Variants in DPYSL2 observed in about 807,000 individuals in gnomAD.
DPYSL2 encodes dihydropyrimidinase-related protein 2.
DPYSL2 carries 13 observed loss-of-function variants against 69.9 expected under a neutral mutation model. That is an observed-to-expected ratio of 0.19 (90% CI 0.12 to 0.30). The LOEUF (loss-of-function observed/expected upper bound fraction) is 0.30, where lower values mean the gene tolerates loss of function less well. Among genes scored for constraint, DPYSL2 ranks in the 10% least tolerant of loss-of-function variants. The pLI is 1.00. For missense variants in DPYSL2, 587 were observed against 918.9 expected (o/e 0.64, Z 4.67); for synonymous variants, 326 against 359.1 (o/e 0.91, Z 1.04).
Position 26,641,683 on chromosome 8 carries a change from A to G in DPYSL2, c.1127-1756A>G, listed in dbSNP as rs1803051947. Among the ~76,000 whole-genome samples, 1 of 152,172 alleles carries G rather than the reference A, an allele frequency of 6.6e-6. No individual in the cohort carries two copies. Among genetic ancestry groups the G allele is most frequent in the Non-Finnish European group, 1.5e-5 (1 of 68,034 alleles). Reference sequence around the variant, plus strand: ...CAAGGGGACCCTCCTAGGCCTTCCGAGCACCTAGCACTGGCCCTTTTCTTC... The same window carrying G: ...CAAGGGGACCCTCCTAGGCCTTCCGGGCACCTAGCACTGGCCCTTTTCTTC... On this transcript the variant is annotated intron_variant, in intron 8 of 13. Coordinates refer to ENST00000521913, the MANE Select transcript of DPYSL2 (RefSeq NM_001197293.3). The surrounding 1 kb of genome is among the most constrained non-coding windows in gnomAD (Gnocchi z 4.1).
At chr8:26,616,878 T>G (rs371255) in intron 3 of DPYSL2, among the ~76,000 whole-genome samples, 2 of 151,828 alleles carry the variant, frequency 1.3e-5, no homozygotes, top group East Asian at 1.9e-4. Flanking sequence ...CCTCCTCCCT[T>G]CTATTCCACG....
chr8:26,622,090 TTTCC>T (rs59707085), intron 3 of DPYSL2, among the ~76,000 whole-genome samples: 1,028 of 64,274 alleles, frequency 0.016, 25 homozygotes, highest in South Asian at 0.035. Flanking sequence ...TCTTTCTTTC[TTTCC>T]TTCCTTCCTT....
rs1030389888 is a variant in DPYSL2 at position 26,593,208 on chromosome 8, A to C, written c.628+9225A>C. Among the ~76,000 whole-genome samples, 2 of 152,064 alleles carry C rather than the reference A, an allele frequency of 1.3e-5. No individual in the cohort carries two copies. The highest frequency in any genetic ancestry group is 4.8e-5 in the African/African-American group (2 of 41,388). On this transcript the variant is annotated intron_variant, in intron 3 of 13. Coordinates refer to ENST00000521913, the MANE Select transcript of DPYSL2 (RefSeq NM_001197293.3). The surrounding 1 kb of genome is among the most constrained non-coding windows in gnomAD (Gnocchi z 5.7). ...CGGTGGCTGAGGCTGCTGTCCAGTT[A>C]AGAGAATTTTGCAATGAACTAGGGC...
intron 8 of DPYSL2, among the ~76,000 whole-genome samples, chr8:26,636,768 T>G (rs1489629453): frequency 6.6e-6 from 1 of 151,816 alleles, no homozygotes; most frequent in African/African-American, 2.4e-5. Flanking sequence ...TGAGATGGAG[T>G]CTCACTCTGT....
At chr8:26,536,049 G>A (rs1432185813) in intron 1 of DPYSL2, among the ~76,000 whole-genome samples, 1 of 151,284 alleles carries the variant, frequency 6.6e-6, no homozygotes, top group African/African-American at 2.4e-5. Context: ...AGCCTTCCAA[G>A]TGGCTGGCAC....
At chr8:26,544,237 A>G (rs529459005) in intron 1 of DPYSL2, among the ~76,000 whole-genome samples, 5 of 152,190 alleles carry the variant, frequency 3.3e-5, no homozygotes, top group Non-Finnish European at 7.3e-5. Context: ...AAGACAATGC[A>G]TGGACATAAG....
intron 1 of DPYSL2, among the ~76,000 whole-genome samples, chr8:26,532,064 A>C (rs1800517937): frequency 6.6e-6 from 1 of 152,026 alleles, no homozygotes; most frequent in Middle Eastern, 3.2e-3. Flanking sequence ...GTTTGTGTAG[A>C]GAGAGGAAGG....
intron 1 of DPYSL2, among the ~76,000 whole-genome samples, chr8:26,581,572 C>T (rs541771926): frequency 6.6e-6 from 1 of 152,134 alleles, no homozygotes; most frequent in East Asian, 1.9e-4. Flanking sequence ...TGGGGTTTCA[C>T]CATGTTGGCC....
intron 1 of DPYSL2, chr8:26,578,052 G>A (rs1040673698): frequency 6.9e-7 from 1 of 1,451,302 alleles, no homozygotes; most frequent in African/African-American, 1.4e-5. Flanking sequence ...TGTGTTGGAG[G>A]AGAGGAAGAA....
intron 3 of DPYSL2, among the ~76,000 whole-genome samples, chr8:26,611,113 A>C (rs1234478036): frequency 6.6e-6 from 1 of 152,238 alleles, no homozygotes; most frequent in Non-Finnish European, 1.5e-5. Context: ...CCAGGGTCCT[A>C]GAACTAGTCA....
chr8:26,609,143 A>G lies in DPYSL2; in HGVS notation c.629-15000A>G, dbSNP rs754731297. Among the ~76,000 whole-genome samples the G allele has an allele frequency of 1.3e-5, 2 of 152,142 alleles. No homozygotes were observed. Among genetic ancestry groups the G allele is most frequent in the Non-Finnish European group, 2.9e-5 (2 of 68,034 alleles). ...CGAGGTGCTCTTGTCTTTATTATGT[A>G]TTGTCTGCCCATAAATGATGTCTTG... On this transcript the variant is annotated intron_variant, in intron 3 of 13. Coordinates refer to ENST00000521913, the MANE Select transcript of DPYSL2 (RefSeq NM_001197293.3). This position sits in a 1 kb window ranked among gnomAD's most constrained non-coding sequence, Gnocchi z 6.5.
intron 1 of DPYSL2, among the ~76,000 whole-genome samples, chr8:26,568,161 TG>T (rs1425387312): frequency 1.3e-5 from 2 of 152,342 alleles, no homozygotes; most frequent in Middle Eastern, 3.4e-3. Context: ...GGAAGAATTC[TG>T]TCTGGTTCCT....
At chr8:26,530,113 C>CAAAAAAA (rs34448431) in intron 1 of DPYSL2, among the ~76,000 whole-genome samples, 1 of 72,038 alleles carries the variant, frequency 1.4e-5, no homozygotes, top group African/African-American at 5.9e-5. Context: ...ACTCCGTCTC[C>CAAAAAAA]AAAAAAAAAA....
In DPYSL2 at chr8:26,641,776, G is replaced by A. The variant is rs980137659; in HGVS notation, c.1127-1663G>A. 4.6e-5 allele frequency among the ~76,000 whole-genome samples: 7 copies of A among 152,158 alleles called. No homozygotes were observed. The highest frequency in any genetic ancestry group is 1.4e-4 in the African/African-American group (6 of 41,422). On this transcript the variant is annotated intron_variant, in intron 8 of 13. Coordinates refer to ENST00000521913, the MANE Select transcript of DPYSL2 (RefSeq NM_001197293.3). This position sits in a 1 kb window ranked among gnomAD's most constrained non-coding sequence, Gnocchi z 4.1. ...CCTCCCTCCTGCTGGGGGTGGGGGCGTGGTTGCTGGTGGCCTGGAGTGAGC... is the reference window on the plus strand; with the variant it reads ...CCTCCCTCCTGCTGGGGGTGGGGGCATGGTTGCTGGTGGCCTGGAGTGAGC...
chr8:26,604,839 T>C (rs1317170951), intron 3 of DPYSL2, among the ~76,000 whole-genome samples: 1 of 151,264 alleles, frequency 6.6e-6, no homozygotes, highest in Non-Finnish European at 1.5e-5. Context: ...TTTTTGCATT[T>C]TTTTTTAGTA....
chr8:26,549,261 A>G (rs937652025), intron 1 of DPYSL2, among the ~76,000 whole-genome samples: 6 of 151,324 alleles, frequency 4.0e-5, no homozygotes, highest in African/African-American at 1.5e-4. Context: ...AGAAAACACT[A>G]TACTAGAAAT....
In DPYSL2 at chr8:26,592,480, T is replaced by TG. The variant is rs368305063; in HGVS notation, c.628+8497_628+8498insG. Among the ~76,000 whole-genome samples, 1,144 of 146,140 alleles carry TG rather than the reference T, an allele frequency of 7.8e-3. 12 individuals are homozygous for TG. Among genetic ancestry groups the TG allele is most frequent in the African/African-American group, 0.025 (971 of 38,936 alleles). ...TACATTAGTTTTTTTTTTTTTGTTT[T>TG]TTTTTTTTTATTAAGACGGAGTTTT... is the stretch of plus-strand genomic sequence containing the variant. On this transcript the variant is annotated intron_variant, in intron 3 of 13. Coordinates refer to ENST00000521913, the MANE Select transcript of DPYSL2 (RefSeq NM_001197293.3).
intron 1 of DPYSL2, among the ~76,000 whole-genome samples, chr8:26,557,979 A>G (rs1490089349): frequency 6.6e-6 from 1 of 151,896 alleles, no homozygotes; most frequent in Non-Finnish European, 1.5e-5. Context: ...AGGAACTCTC[A>G]TTCATTGCTG....
At position 26,644,901 on chromosome 8, in the gene DPYSL2, A is replaced by G. The variant is rs918366966; in HGVS notation, c.1425+810A>G. ...TTTTAATGTTTTAAAATATATTAAC[A>G]GAATAGGTTTTCTGTTTTTTAGTGA... is the stretch of plus-strand genomic sequence containing the variant. On this transcript the variant is annotated intron_variant, in intron 10 of 13. Coordinates refer to ENST00000521913, the MANE Select transcript of DPYSL2 (RefSeq NM_001197293.3). The surrounding 1 kb of genome is among the most constrained non-coding windows in gnomAD (Gnocchi z 4.5). Among the ~76,000 whole-genome samples the G allele has an allele frequency of 6.6e-6, 1 of 152,146 alleles. No individual in the cohort carries two copies. The highest frequency in any genetic ancestry group is 1.9e-4 in the East Asian group (1 of 5,194).
Sources: allele counts gnomAD v4.1 joint callset (sites outside exome capture counted in the v4.1 genomes callset), GRCh38; gene constraint gnomAD v4.1.1; non-coding constraint Gnocchi (gnomAD v3.1); transcripts MANE v1.5; gene names NCBI Gene and HGNC (gene_info 2026-07-23, HGNC 2026-07-21).